CYYR1: variants seen among roughly 807,000 people sequenced by gnomAD.
The protein encoded by CYYR1 is cysteine and tyrosine-rich protein 1.
CYYR1 carries 14 observed loss-of-function variants against 15.2 expected under a neutral mutation model. That is an observed-to-expected ratio of 0.92 (90% CI 0.61 to 1.44). CYYR1 has a LOEUF of 1.44. CYYR1 is among the 40% of genes most tolerant of loss of function. The pLI is 0.00. For missense variants in CYYR1, 228 were observed against 209.5 expected (o/e 1.09, Z -0.54); for synonymous variants, 80 against 77.4 (o/e 1.03, Z -0.18).
intron 2 of CYYR1, among the ~76,000 whole-genome samples, chr21:26,536,109 T>G (rs1277653648): frequency 1.3e-5 from 2 of 151,164 alleles, no homozygotes; most frequent in African/African-American, 2.4e-5. Flanking sequence ...AGAGAGAGAG[T>G]GATGGGGGAG....
intron 2 of CYYR1, among the ~76,000 whole-genome samples, chr21:26,562,799 A>AACACACACAT (rs1980323677): frequency 2.3e-5 from 3 of 132,610 alleles, no homozygotes; most frequent in African/African-American, 8.6e-5. Context: ...GACATACACA[A>AACACACACAT]ACACACACAC....
chr21:26,499,522 C>T (rs556265635), intron 2 of CYYR1, among the ~76,000 whole-genome samples: 3 of 152,282 alleles, frequency 2.0e-5, no homozygotes, highest in South Asian at 4.1e-4. Flanking sequence ...TTTGTTATGG[C>T]AGCCACAGGT....
intron 2 of CYYR1, among the ~76,000 whole-genome samples, chr21:26,520,300 A>G (rs1425093522): frequency 6.7e-6 from 1 of 149,934 alleles, no homozygotes; most frequent in Non-Finnish European, 1.5e-5. Flanking sequence ...TCAATGTTCA[A>G]CTCCTACTTA....
At chr21:26,527,127 T>G (rs1178585873) in intron 2 of CYYR1, among the ~76,000 whole-genome samples, 1 of 152,152 alleles carries the variant, frequency 6.6e-6, no homozygotes, top group African/African-American at 2.4e-5. Context: ...CCCACGTAAC[T>G]CTATTCTGCA....
At chr21:26,564,305 C>T (rs1356689880) in intron 2 of CYYR1, among the ~76,000 whole-genome samples, 1 of 152,184 alleles carries the variant, frequency 6.6e-6, no homozygotes, top group East Asian at 1.9e-4. Flanking sequence ...CCCCCCACCA[C>T]TGCCACCTTT....
chr21:26,470,828 GA>G (rs1187959879), intron 3 of CYYR1: 1 of 152,430 alleles, frequency 6.6e-6, no homozygotes, highest in Non-Finnish European at 1.5e-5. Flanking sequence ...TGAGGAAGCA[GA>G]ATTGAGCCAA....
intron 2 of CYYR1, chr21:26,550,644 A>T (rs1241318068): frequency 6.6e-6 from 1 of 152,252 alleles, no homozygotes; most frequent in Non-Finnish European, 1.5e-5. Context: ...CCCTTAAGCC[A>T]AAGCCTAATC....
chr21:26,561,508 G>A (rs1054116386), intron 2 of CYYR1, among the ~76,000 whole-genome samples: 4 of 152,040 alleles, frequency 2.6e-5, no homozygotes, highest in Non-Finnish European at 4.4e-5. Flanking sequence ...CTCAAATCAC[G>A]GTTGTGATAT....
chr21:26,526,450 C>T (rs1008256823), intron 2 of CYYR1, among the ~76,000 whole-genome samples: 1 of 149,932 alleles, frequency 6.7e-6, no homozygotes, highest in African/African-American at 2.5e-5. Flanking sequence ...TCTGGCCCCA[C>T]CCCCCAACAA....
chr21:26,472,340 T>TA (rs2065045992), intron 3 of CYYR1, among the ~76,000 whole-genome samples: 1 of 152,142 alleles, frequency 6.6e-6, no homozygotes, highest in African/African-American at 2.4e-5. Flanking sequence ...TTTAATTATT[T>TA]TTTTTTTAGA....
chr21:26,476,084 G>T (rs1296136983), intron 3 of CYYR1, among the ~76,000 whole-genome samples: 1 of 152,102 alleles, frequency 6.6e-6, no homozygotes, highest in African/African-American at 2.4e-5. Flanking sequence ...ATACTAATAA[G>T]GTTTCTGTCA....
intron 2 of CYYR1, among the ~76,000 whole-genome samples, chr21:26,511,681 CTTT>C (rs1475924033): frequency 6.6e-6 from 1 of 152,146 alleles, no homozygotes; most frequent in Non-Finnish European, 1.5e-5. Context: ...GTGAAGGCTT[CTTT>C]GTTTTATTTC....
rs183741124 is a variant in CYYR1 at position 26,471,462 on chromosome 21, T to C, written c.335-2828A>G. 4 of 152,344 alleles carry C rather than the reference T, an allele frequency of 2.6e-5. No individual in the cohort carries two copies. In the East Asian group the frequency reaches 7.7e-4, roughly 29 times the overall value. 9.4% of individuals were successfully genotyped at this position (152,344 alleles called of 1,614,324 possible). ...AATCCCTATGGTTTATGCAGCTGCA[T>C]GTTGAACATGAAAATCTAAGATATG... On this transcript the variant is annotated intron_variant, in intron 3 of 3. Coordinates refer to ENST00000652641, the MANE Select transcript of CYYR1 (RefSeq NM_001320768.2).
chr21:26,562,320 G>C (rs1980257385), intron 2 of CYYR1, among the ~76,000 whole-genome samples: 1 of 152,064 alleles, frequency 6.6e-6, no homozygotes, highest in Admixed American at 6.6e-5. Context: ...TAAATAAAAA[G>C]CAACTTCATT....
At chr21:26,572,565 T>C (rs2123756631) in intron 1 of CYYR1, among the ~76,000 whole-genome samples, 1 of 152,300 alleles carries the variant, frequency 6.6e-6, no homozygotes, top group East Asian at 1.9e-4. Context: ...GATAAGTTTA[T>C]TTGGATATAG....
chr21:26,507,079 A>C (rs929679795), intron 2 of CYYR1, among the ~76,000 whole-genome samples: 3 of 152,208 alleles, frequency 2.0e-5, no homozygotes, highest in African/African-American at 7.2e-5. Context: ...TGTGATTTGC[A>C]CTTGAGTATG....
At chr21:26,472,077 C>T (rs903528844) in intron 3 of CYYR1, among the ~76,000 whole-genome samples, 1 of 152,052 alleles carries the variant, frequency 6.6e-6, no homozygotes, top group Non-Finnish European at 1.5e-5. Flanking sequence ...ATTTTGTCAC[C>T]CCAATTTAAC....
intron 2 of CYYR1, chr21:26,552,001 CA>C (rs1289924758): frequency 1.3e-5 from 2 of 152,524 alleles, no homozygotes; most frequent in African/African-American, 4.8e-5. Flanking sequence ...CCCCAATTTT[CA>C]GCAACCACCA....
At chr21:26,536,952 T>C (rs2123629404) in intron 2 of CYYR1, among the ~76,000 whole-genome samples, 1 of 152,294 alleles carries the variant, frequency 6.6e-6, no homozygotes, top group South Asian at 2.1e-4. Context: ...TCATGGAAAT[T>C]CCAGTCAAAC....
Sources: gnomAD v4.1 joint callset for allele counts (sites outside exome capture counted in the v4.1 genomes callset) on GRCh38, gnomAD v4.1.1 for gene constraint, MANE v1.5 for transcripts, NCBI Gene and HGNC (gene_info 2026-07-23, HGNC 2026-07-21) for gene names.